Variants in COMMD10 observed in about 807,000 individuals in gnomAD.
The protein encoded by COMMD10 is COMM domain containing 10, also known as COMM domain-containing protein 10.
Under a neutral mutation model 28.9 loss-of-function variants are expected in COMMD10, and 33 were observed. The ratio of observed to expected loss-of-function variants is 1.14; its 90% CI spans 0.87 to 1.53. The LOEUF is 1.53. COMMD10 is among the 40% of genes most tolerant of loss of function. The probability of loss-of-function intolerance (pLI) is 0.00; values close to 1 mark genes in which losing one functional copy is unlikely to be tolerated. For missense variants in COMMD10, 310 were observed against 233.4 expected (o/e 1.33, Z -2.14); for synonymous variants, 110 against 81.7 (o/e 1.35, Z -1.87).
chr5:116,093,104 G>T (rs987844424), intron 4 of COMMD10, among the ~76,000 whole-genome samples: 2 of 152,140 alleles, frequency 1.3e-5, no homozygotes, highest in East Asian at 3.8e-4. Flanking sequence ...TCTGGTATGG[G>T]CCCTGACTTA....
At chr5:116,110,978 T>C (rs1008722936) in intron 4 of COMMD10, among the ~76,000 whole-genome samples, 1 of 152,188 alleles carries the variant, frequency 6.6e-6, no homozygotes, top group Admixed American at 6.5e-5. Context: ...AATATGAGAT[T>C]TGGATGGGAA....
chr5:116,215,611 C>T (rs1411400116), intron 5 of COMMD10, among the ~76,000 whole-genome samples: 9 of 150,306 alleles, frequency 6.0e-5, no homozygotes, highest in East Asian at 5.9e-4. Flanking sequence ...CGCTTGATCC[C>T]GGGAGGCGGA....
intron 5 of COMMD10, among the ~76,000 whole-genome samples, chr5:116,162,544 T>A (rs1466925899): frequency 2.0e-5 from 3 of 152,320 alleles, no homozygotes; most frequent in South Asian, 2.1e-4. Flanking sequence ...CACATATAGA[T>A]AAGTGATATA....
chr5:116,126,956 A>G (rs891979485), intron 4 of COMMD10, among the ~76,000 whole-genome samples: 1 of 152,196 alleles, frequency 6.6e-6, no homozygotes, highest in Non-Finnish European at 1.5e-5. Context: ...GCTTCTGCAC[A>G]GCAAAAGAAA....
Position 116,166,610 on chromosome 5 carries a change from C to T in COMMD10, c.510+32432C>T, listed in dbSNP as rs185866172. ...CAGGAGAGCTCCAGCTGACATCTGG[C>T]GGGTGCTCCTCTGAGACGAAACTTC... On this transcript the variant is annotated intron_variant, in intron 5 of 6. Transcript: ENST00000274458. Among the ~76,000 whole-genome samples, 1,045 of 152,212 alleles carry T rather than the reference C, an allele frequency of 6.9e-3. 17 individuals carry two copies. Among genetic ancestry groups the T allele is most frequent in the Non-Finnish European group, 7.9e-3 (535 of 68,008 alleles).
intron 5 of COMMD10, among the ~76,000 whole-genome samples, chr5:116,222,582 G>A (rs1251974679): frequency 6.6e-6 from 1 of 152,122 alleles, no homozygotes; most frequent in Non-Finnish European, 1.5e-5. Flanking sequence ...AGGAACATGA[G>A]GCTGGACAGA....
chr5:116,210,878 G>A (rs1748946453), intron 5 of COMMD10, among the ~76,000 whole-genome samples: 1 of 151,934 alleles, frequency 6.6e-6, no homozygotes. Flanking sequence ...GCAAGTAATT[G>A]TCTTTAAAAA....
chr5:116,259,062 ATTTTTTT>A (rs36082006), intron 5 of COMMD10, among the ~76,000 whole-genome samples: 2 of 123,622 alleles, frequency 1.6e-5, no homozygotes, highest in Non-Finnish European at 3.4e-5. Flanking sequence ...ACGTCCTTTA[ATTTTTTT>A]TTTTTTTTTT....
At chr5:116,101,893 T>C (rs963576642) in intron 4 of COMMD10, among the ~76,000 whole-genome samples, 11 of 151,978 alleles carry the variant, frequency 7.2e-5, no homozygotes, top group Admixed American at 2.6e-4. Flanking sequence ...CTGTGCCCAC[T>C]TTTTAATGGG....
At position 116,085,406 on chromosome 5, in the gene COMMD10, G is replaced by GGGTGCTGCCTTC. The variant is rs1416496156; in HGVS notation, c.41+314_41+325dup. The GGGTGCTGCCTTC allele has an allele frequency of 7.4e-6, 3 of 407,252 alleles. No homozygotes were observed. In the East Asian group the frequency reaches 1.3e-4, roughly 17 times the overall value. The allele number at this position is 407,252 out of a possible 1,614,324, so 25.2% of individuals were successfully genotyped here. A position where few individuals can be genotyped will look rare whatever the true frequency, so the allele number is the denominator to read the frequency against. On this transcript the variant is annotated intron_variant, in intron 1 of 6. Coordinates refer to ENST00000274458, the MANE Select transcript of COMMD10 (RefSeq NM_016144.4). ...GCGGAGTTTGGTATCAGAAGTTCCC[G>GGGTGCTGCCTTC]GGTGCTGCCTTCAGTGCTGCCGAAT...
chr5:116,133,875 G>A (rs1751939486), intron 4 of COMMD10, among the ~76,000 whole-genome samples, 193 bp from the exon 5 acceptor site: 1 of 152,038 alleles, frequency 6.6e-6, no homozygotes, highest in Non-Finnish European at 1.5e-5. Context: ...AATTTGACAG[G>A]CGTGGCAGGA....
chr5:116,138,858 T>C (rs1752112084), intron 5 of COMMD10, among the ~76,000 whole-genome samples: 1 of 151,754 alleles, frequency 6.6e-6, no homozygotes, highest in Admixed American at 6.6e-5. Flanking sequence ...CAAAAGTTCT[T>C]TTTTAAAGTG....
intron 5 of COMMD10, among the ~76,000 whole-genome samples, chr5:116,146,520 T>A (rs1752356238): frequency 6.6e-6 from 1 of 151,914 alleles, no homozygotes; most frequent in South Asian, 2.1e-4. Flanking sequence ...ATGTCTAGAT[T>A]AAGTTTTCTT....
intron 5 of COMMD10, among the ~76,000 whole-genome samples, chr5:116,271,050 CA>C (rs1326371415): frequency 2.0e-5 from 3 of 151,328 alleles, no homozygotes; most frequent in Admixed American, 6.6e-5. Flanking sequence ...GTGGGTGGCC[CA>C]AAATTTCTCC....
At chr5:116,228,915 G>A (rs1749462758) in intron 5 of COMMD10, among the ~76,000 whole-genome samples, 1 of 151,986 alleles carries the variant, frequency 6.6e-6, no homozygotes. Flanking sequence ...AACTTAGTGT[G>A]GGAATCATAT....
intron 5 of COMMD10, among the ~76,000 whole-genome samples, chr5:116,181,081 C>T (rs1580526605): frequency 6.6e-6 from 1 of 152,096 alleles, no homozygotes; most frequent in East Asian, 1.9e-4. Flanking sequence ...GAGGTTGAAG[C>T]TGCAGTGAGC....
chr5:116,244,734 G>T (rs1337385316), intron 5 of COMMD10, among the ~76,000 whole-genome samples: 5 of 149,432 alleles, frequency 3.3e-5, no homozygotes. Context: ...ATGATTTTTA[G>T]GTAGACAATG....
intron 5 of COMMD10, among the ~76,000 whole-genome samples, chr5:116,165,654 G>C (rs375791141): frequency 6.6e-6 from 1 of 151,884 alleles, no homozygotes; most frequent in Non-Finnish European, 1.5e-5. Context: ...GTGTGCACAG[G>C]GCTGGTAGAG....
At chr5:116,197,997 G>T (rs1042252438) in intron 5 of COMMD10, among the ~76,000 whole-genome samples, 1 of 152,108 alleles carries the variant, frequency 6.6e-6, no homozygotes, top group Non-Finnish European at 1.5e-5. Context: ...CCTCCCTGCT[G>T]TCTCCTCTCA....
Sources: gnomAD v4.1 joint callset for allele counts (sites outside exome capture counted in the v4.1 genomes callset) on GRCh38, gnomAD v4.1.1 for gene constraint, MANE v1.5 for transcripts, NCBI Gene and HGNC (gene_info 2026-07-23, HGNC 2026-07-21) for gene names.